NOL4L: variants seen among roughly 807,000 people sequenced by gnomAD.
The protein encoded by NOL4L is nucleolar protein 4-like.
A neutral mutation model predicts 64.5 loss-of-function variants in NOL4L; 7 were observed. The observed-to-expected ratio is 0.11, with a 90% CI of 0.06 to 0.20. The LOEUF (loss-of-function observed/expected upper bound fraction) is 0.20. Among genes scored for constraint, NOL4L ranks in the 10% least tolerant of loss-of-function variants. The pLI is 1.00. For synonymous variants in NOL4L, 413 were observed against 401.0 expected (o/e 1.03, Z -0.36); for missense variants, 680 against 967.1 (o/e 0.70, Z 3.94).
At chr20:32,465,406 A>G (rs1181244882) in intron 5 of NOL4L, among the ~76,000 whole-genome samples, 1 of 152,102 alleles carries the variant, frequency 6.6e-6, no homozygotes, top group Non-Finnish European at 1.5e-5. Context: ...CTGTGGGACA[A>G]TTCCCTACCC....
chr20:32,469,999 G>C (rs1466084564), intron 5 of NOL4L, among the ~76,000 whole-genome samples: 1 of 152,196 alleles, frequency 6.6e-6, no homozygotes, highest in Non-Finnish European at 1.5e-5. Context: ...TTGGAGGAGC[G>C]GCCTCATCTG....
rs555049451 is a variant in NOL4L at position 32,502,535 on chromosome 20, G to A, written c.699+8812C>T. On this transcript the variant is annotated intron_variant, in intron 4 of 10. Transcript: ENST00000621426. ...CTGAATCCGGGAGGCGGAGGCTGCA[G>A]TGAGGATCACGCCACTACACTCCAG... 2.3e-4 allele frequency among the ~76,000 whole-genome samples: 35 copies of A among 152,012 alleles called. No homozygotes were observed. In the South Asian group the frequency reaches 6.0e-3, roughly 26 times the overall value.
In NOL4L at chr20:32,490,142, A is replaced by AT. The variant is rs1487869922; in HGVS notation, c.700-15401_700-15400insA. On this transcript the variant is annotated intron_variant, in intron 4 of 10. Coordinates refer to ENST00000621426, the MANE Select transcript of NOL4L (RefSeq NM_001256798.2). ...AGACTCCATCTCAAAAAAAAAAAAA[A>AT]AAATATATATACACATATATATATG... 4.2e-3 allele frequency among the ~76,000 whole-genome samples: 623 copies of AT among 146,614 alleles called. 14 individuals are homozygous for AT. Among genetic ancestry groups the AT allele is most frequent in the African/African-American group, 0.015 (586 of 38,556 alleles).
rs1980810727 is a variant in NOL4L at position 32,585,205 on chromosome 20, G to A, written c.-315C>T. 1 of 148,738 alleles carries A rather than the reference G, an allele frequency of 6.7e-6. No homozygotes were observed. Among genetic ancestry groups the A allele is most frequent in the African/African-American group, 2.5e-5 (1 of 40,748 alleles). 9.2% of individuals were successfully genotyped at this position (148,738 alleles called of 1,614,324 possible). ...AGCTCCGGGCCCGGAGGTGCAGAGG[G>A]GGCGGGCCGCCCCGCGGGCGGCCGG... is the stretch of plus-strand genomic sequence containing the variant. On this transcript the variant is annotated 5_prime_UTR_variant, in exon 1 of 11. Coordinates refer to ENST00000621426, the MANE Select transcript of NOL4L (RefSeq NM_001256798.2).
chr20:32,460,361 G>A lies in NOL4L; in HGVS notation c.842-3966C>T, dbSNP rs993618373. Among the ~76,000 whole-genome samples the A allele has an allele frequency of 2.6e-5, 4 of 152,104 alleles. No homozygotes were observed. The highest frequency in any genetic ancestry group is 2.6e-4 in the Admixed American group (4 of 15,266). ...CCTTCCCCAGTGACACCAAGGTCTC[G>A]CCTACCCCCAGCTCCGCTCAGGCAG... On this transcript the variant is annotated intron_variant, in intron 5 of 10. Transcript: ENST00000621426. This position sits in a 1 kb window ranked among gnomAD's most constrained non-coding sequence, Gnocchi z 5.7.
intron 1 of NOL4L, among the ~76,000 whole-genome samples, chr20:32,562,849 C>T (rs763752226): frequency 3.4e-5 from 5 of 145,904 alleles, no homozygotes; most frequent in Non-Finnish European, 3.0e-5. Flanking sequence ...CCTTCCACCA[C>T]GCTGTTGCTC....
intron 1 of NOL4L, chr20:32,573,707 C>T: frequency 5.6e-6 from 1 of 177,754 alleles, no homozygotes; most frequent in South Asian, 1.2e-4. Flanking sequence ...AACCTGGACC[C>T]AGCCCCTGGC....
intron 2 of NOL4L, among the ~76,000 whole-genome samples, chr20:32,522,612 G>A (rs764399887): frequency 1.3e-5 from 2 of 152,244 alleles, no homozygotes; most frequent in Non-Finnish European, 2.9e-5. Flanking sequence ...GCAGCCCTCA[G>A]CAGAGCAGCC....
intron 1 of NOL4L, among the ~76,000 whole-genome samples, chr20:32,584,033 C>T (rs1448559718): frequency 6.8e-6 from 1 of 146,766 alleles, no homozygotes; most frequent in Non-Finnish European, 1.5e-5. Context: ...CCCGGGCGGG[C>T]CCCCTCCCCT....
chr20:32,562,649 A>C (rs62208018), intron 1 of NOL4L, among the ~76,000 whole-genome samples: 6,760 of 151,912 alleles, frequency 0.044, 333 homozygotes, highest in African/African-American at 0.12. Context: ...TCCTCCCCGG[A>C]GTCACCAGCC....
At chr20:32,488,786 C>CCTTT (rs1202878309) in intron 4 of NOL4L, among the ~76,000 whole-genome samples, 19 of 54,654 alleles carry the variant, frequency 3.5e-4, no homozygotes, top group Admixed American at 8.4e-4. Flanking sequence ...TTCCTTCCTT[C>CCTTT]CTTCCTTTCT....
chr20:32,468,149 C>G (rs1375995295), intron 5 of NOL4L, among the ~76,000 whole-genome samples: 2 of 152,118 alleles, frequency 1.3e-5, no homozygotes, highest in Non-Finnish European at 2.9e-5. Flanking sequence ...TAGCTCAAGA[C>G]CATACTTCGG....
chr20:32,453,890 C>A lies in NOL4L; in HGVS notation c.1120-129G>T. 1 of 815,582 alleles carries A rather than the reference C, an allele frequency of 1.2e-6. No homozygotes were observed. 50.5% of individuals were successfully genotyped at this position (815,582 alleles called of 1,614,324 possible). A position where few individuals can be genotyped will look rare whatever the true frequency, so the allele number is the denominator to read the frequency against. On this transcript the variant is annotated intron_variant, in intron 6 of 10. Coordinates refer to ENST00000621426, the MANE Select transcript of NOL4L (RefSeq NM_001256798.2). This position sits in a 1 kb window ranked among gnomAD's most constrained non-coding sequence, Gnocchi z 5.6. ...CCTGCTGCCACGAGAGCCATAGCTGCGAGGCCCTGAGCAAGTCACTCCCCT... is the reference window on the plus strand; with the variant it reads ...CCTGCTGCCACGAGAGCCATAGCTGAGAGGCCCTGAGCAAGTCACTCCCCT...
intron 1 of NOL4L, chr20:32,532,297 C>G (rs554098871): frequency 1.0e-6 from 1 of 958,966 alleles, no homozygotes; most frequent in Non-Finnish European, 1.2e-6. Context: ...TCAAACCACG[C>G]AAGGGCTGCA....
intron 5 of NOL4L, among the ~76,000 whole-genome samples, chr20:32,459,560 T>A (rs114999706): frequency 0.013 from 2,032 of 152,190 alleles, 55 homozygotes; most frequent in African/African-American, 0.047. Context: ...ATTTTGTGTA[T>A]TTTTAGTGGA....
At chr20:32,553,883 G>T (rs1358120005) in intron 1 of NOL4L, among the ~76,000 whole-genome samples, 2 of 152,222 alleles carry the variant, frequency 1.3e-5, no homozygotes, top group African/African-American at 4.8e-5. Flanking sequence ...GACGTGCCTG[G>T]ATGGGTTCCT....
At chr20:32,471,845 A>T (rs2015044278) in intron 5 of NOL4L, among the ~76,000 whole-genome samples, 1 of 152,108 alleles carries the variant, frequency 6.6e-6, no homozygotes, top group Non-Finnish European at 1.5e-5. Flanking sequence ...TCACCATGAG[A>T]CATGCCTGCT....
Position 32,486,402 on chromosome 20 carries a change from G to A in NOL4L, c.700-11660C>T, listed in dbSNP as rs113588735. On this transcript the variant is annotated intron_variant, in intron 4 of 10. Coordinates refer to ENST00000621426, the MANE Select transcript of NOL4L (RefSeq NM_001256798.2). Reference sequence around the variant, plus strand: ...ATCCCATCTGCTTCGGGGGGACAATGCTGCCACAGGTCCCCTCCAGCCTCT... The same window carrying A: ...ATCCCATCTGCTTCGGGGGGACAATACTGCCACAGGTCCCCTCCAGCCTCT... 9.7e-4 allele frequency among the ~76,000 whole-genome samples: 147 copies of A among 152,300 alleles called. 1 individual carries two copies. Among genetic ancestry groups the A allele is most frequent in the Non-Finnish European group, 1.4e-3 (97 of 68,026 alleles).
rs376049419 is a variant in NOL4L, at chr20:32,453,642, G to A, written c.1239C>T (p.Asp413=). 128 of 1,601,484 alleles carry A rather than the reference G, an allele frequency of 8.0e-5. No homozygotes were observed. The highest frequency in any genetic ancestry group is 6.9e-5 in the Non-Finnish European group (81 of 1,174,148). Residue 413 remains aspartate, a synonymous_variant, in exon 7 of 11, where the codon GAC becomes GAT. Coordinates refer to ENST00000621426, the MANE Select transcript of NOL4L (RefSeq NM_001256798.2). The surrounding 1 kb of genome is among the most constrained non-coding windows in gnomAD (Gnocchi z 5.6). The stretch of plus-strand genomic sequence containing the variant: ...CGTTCATCTTGTCATTGTCCTCATG[G>A]TCATCGTGGTCATCGTCGTCATCAT... ...TADDDDDDHD[D]HEDNDKMNDS...
Sources: allele counts gnomAD v4.1 joint callset (sites outside exome capture counted in the v4.1 genomes callset), GRCh38; gene constraint gnomAD v4.1.1; non-coding constraint Gnocchi (gnomAD v3.1); transcripts MANE v1.5; gene names NCBI Gene and HGNC (gene_info 2026-07-23, HGNC 2026-07-21).